SUSD6: variants seen among roughly 807,000 people sequenced by gnomAD.
SUSD6 encodes sushi domain containing 6.
In SUSD6, 16 loss-of-function variants were observed where a neutral mutation model predicts 28.4. That is an observed-to-expected ratio of 0.56 (90% CI 0.38 to 0.86). SUSD6 has a LOEUF of 0.86. Ranked by LOEUF, SUSD6 falls within the 40% of genes least tolerant of loss-of-function variation. SUSD6 has a pLI of 0.00. For synonymous variants in SUSD6, 147 were observed against 159.6 expected (o/e 0.92, Z 0.59); for missense variants, 341 against 384.2 (o/e 0.89, Z 0.94).
intron 1 of SUSD6, among the ~76,000 whole-genome samples, chr14:69,639,959 T>G (rs956614429): frequency 1.1e-4 from 15 of 139,988 alleles, no homozygotes; most frequent in African/African-American, 3.8e-4. Flanking sequence ...CTACACTGTT[T>G]TTTTTTTTTT....
intron 2 of SUSD6, among the ~76,000 whole-genome samples, chr14:69,690,889 G>A (rs887233951): frequency 3.9e-5 from 6 of 152,076 alleles, no homozygotes; most frequent in Non-Finnish European, 8.8e-5. Context: ...TTGTGGCTTC[G>A]TCCAGCCTTC....
Position 69,711,055 on chromosome 14 carries a change from G to A in SUSD6, c.*76G>A, listed in dbSNP as rs1886455276. Reference sequence around the variant, plus strand: ...CTCTCCCTGTGGGATTGAGCACCCTGTACTCTCCAGCCACCTTACCTGGAT... The same window carrying A: ...CTCTCCCTGTGGGATTGAGCACCCTATACTCTCCAGCCACCTTACCTGGAT... On this transcript the variant is annotated 3_prime_UTR_variant, in exon 6 of 6. Coordinates refer to ENST00000342745, the MANE Select transcript of SUSD6 (RefSeq NM_014734.4). The A allele has an allele frequency of 6.2e-6, 9 of 1,457,126 alleles. No individual in the cohort carries two copies. In the East Asian group the frequency reaches 2.0e-4, roughly 33 times the overall value. The allele number at this position is 1,457,126 out of a possible 1,614,324, so 90.3% of individuals were successfully genotyped here.
In SUSD6 at chr14:69,655,914, C is replaced by T. The variant is rs558819839; in HGVS notation, c.-80-2599C>T. On this transcript the variant is annotated intron_variant, in intron 1 of 5. Transcript: ENST00000342745. ...CACCAAAATCCTCTAAAATCCCTGC[C>T]AGTATGATCTTCCTAAATGAGTTTA... 1.1e-4 allele frequency among the ~76,000 whole-genome samples: 16 copies of T among 152,272 alleles called. No individual in the cohort carries two copies. In the South Asian group the frequency reaches 2.7e-3, roughly 26 times the overall value.
At chr14:69,664,478 A>G (rs971797373) in intron 2 of SUSD6, among the ~76,000 whole-genome samples, 1 of 152,228 alleles carries the variant, frequency 6.6e-6, no homozygotes, top group Non-Finnish European at 1.5e-5. Flanking sequence ...GATGAAAGTG[A>G]TGTAATCTCT....
chr14:69,616,148 T>C (rs1304647180), intron 1 of SUSD6, among the ~76,000 whole-genome samples: 1 of 152,248 alleles, frequency 6.6e-6, no homozygotes, highest in Non-Finnish European at 1.5e-5. Context: ...GACAATTCTT[T>C]ATTACTCAGA....
chr14:69,704,418 T>C (rs1886357441), intron 3 of SUSD6, among the ~76,000 whole-genome samples, 186 bp from the exon 4 acceptor site: 1 of 152,128 alleles, frequency 6.6e-6, no homozygotes, highest in South Asian at 2.1e-4. Context: ...GATAGGGAAA[T>C]GGTCCTTTTC....
chr14:69,673,434 C>A (rs1595050710), intron 2 of SUSD6, among the ~76,000 whole-genome samples: 1 of 152,144 alleles, frequency 6.6e-6, no homozygotes, highest in Non-Finnish European at 1.5e-5. Context: ...CTGAAAAAAA[C>A]CTGTCTGACT....
chr14:69,628,743 CAG>C (rs1885152178), intron 1 of SUSD6, among the ~76,000 whole-genome samples: 1 of 128,334 alleles, frequency 7.8e-6, no homozygotes, highest in South Asian at 2.4e-4. Flanking sequence ...TTTTTTGAGA[CAG>C]GGTATCACTC....
intron 2 of SUSD6, among the ~76,000 whole-genome samples, chr14:69,662,257 T>C (rs1466390487): frequency 6.6e-6 from 1 of 152,122 alleles, no homozygotes; most frequent in Non-Finnish European, 1.5e-5. Flanking sequence ...CCACTAGACA[T>C]AGGTAACTGG....
At chr14:69,628,089 C>T (rs1370268348) in intron 1 of SUSD6, among the ~76,000 whole-genome samples, 5 of 152,042 alleles carry the variant, frequency 3.3e-5, no homozygotes, top group East Asian at 1.9e-4. Flanking sequence ...CCTGCCACCA[C>T]GCCCAGGTAA....
intron 1 of SUSD6, among the ~76,000 whole-genome samples, chr14:69,647,563 T>C (rs1434518366): frequency 6.6e-6 from 1 of 152,156 alleles, no homozygotes; most frequent in Non-Finnish European, 1.5e-5. Context: ...GTCCTAATTG[T>C]ATGCTAGTAT....
chr14:69,665,824 T>C (rs1326524067), intron 2 of SUSD6, among the ~76,000 whole-genome samples: 1 of 152,250 alleles, frequency 6.6e-6, no homozygotes, highest in Non-Finnish European at 1.5e-5. Flanking sequence ...ACTGCTTGCA[T>C]TCCTTGCTGC....
intron 1 of SUSD6, among the ~76,000 whole-genome samples, chr14:69,614,700 C>G (rs908383571): frequency 6.6e-5 from 10 of 152,026 alleles, no homozygotes; most frequent in African/African-American, 2.4e-4. Context: ...AGAAATACAG[C>G]ATCTTTAAAA....
At chr14:69,639,402 T>A (rs1885316561) in intron 1 of SUSD6, among the ~76,000 whole-genome samples, 1 of 151,958 alleles carries the variant, frequency 6.6e-6, no homozygotes, top group African/African-American at 2.4e-5. Flanking sequence ...TTTACTCTTT[T>A]CCAGTTTATT....
At chr14:69,679,143 A>G (rs1253985444) in intron 2 of SUSD6, among the ~76,000 whole-genome samples, 1 of 152,120 alleles carries the variant, frequency 6.6e-6, no homozygotes, top group Non-Finnish European at 1.5e-5. Flanking sequence ...ATCCTCTCCC[A>G]ATTTGTAGAT....
chr14:69,668,491 C>G (rs971048011), intron 2 of SUSD6, among the ~76,000 whole-genome samples: 2 of 151,750 alleles, frequency 1.3e-5, no homozygotes, highest in African/African-American at 4.8e-5. Context: ...AAAAATCAGC[C>G]GGGCGTGGTG....
chr14:69,637,095 A>G (rs1367141232), intron 1 of SUSD6, among the ~76,000 whole-genome samples: 1 of 152,176 alleles, frequency 6.6e-6, no homozygotes, highest in Non-Finnish European at 1.5e-5. Context: ...CACAGATTGC[A>G]GTTCCCAGGT....
At chr14:69,644,691 G>C (rs1457728142) in intron 1 of SUSD6, among the ~76,000 whole-genome samples, 1 of 151,932 alleles carries the variant, frequency 6.6e-6, no homozygotes, top group Non-Finnish European at 1.5e-5. Flanking sequence ...CATCTGATTT[G>C]CCTGGATTTT....
chr14:69,691,697 C>G (rs1886155136), intron 2 of SUSD6, among the ~76,000 whole-genome samples: 1 of 152,178 alleles, frequency 6.6e-6, no homozygotes, highest in Non-Finnish European at 1.5e-5. Context: ...GGTCACATCC[C>G]CATTCTGCAT....
Sources: allele counts gnomAD v4.1 joint callset (sites outside exome capture counted in the v4.1 genomes callset), GRCh38; gene constraint gnomAD v4.1.1; transcripts MANE v1.5; gene names NCBI Gene and HGNC (gene_info 2026-07-23, HGNC 2026-07-21).